The following KRT8 variants were observed in gnomAD, a reference collection of about 807,000 sequenced individuals.
KRT8 encodes the protein keratin, type II cytoskeletal 8.
KRT8 carries 24 observed loss-of-function variants against 43.0 expected under a neutral mutation model. That is an observed-to-expected ratio of 0.56 (90% CI 0.40 to 0.78). KRT8 has a LOEUF of 0.78. Ranked by LOEUF, KRT8 falls within the 30% of genes least tolerant of loss-of-function variation. The pLI is 0.00. For missense variants in KRT8, 492 were observed against 638.4 expected, an observed-to-expected ratio of 0.77 and a Z score of 2.47; for synonymous variants, 214 against 261.2, an observed-to-expected ratio of 0.82 and a Z score of 1.74.
At chr12:52,915,536 C>A (rs538427261) in intron 2 of KRT8, among the ~76,000 whole-genome samples, 10 of 151,916 alleles carry the variant, frequency 6.6e-5, no homozygotes, top group Admixed American at 2.0e-4. Flanking sequence ...GGTGAAACCC[C>A]ATCTGTACTA....
At chr12:52,907,350 G>T (rs564421111), upstream of KRT8, among the ~76,000 whole-genome samples, 42 of 152,294 alleles carry the variant, frequency 2.8e-4, no homozygotes, top group South Asian at 6.6e-3. Flanking sequence ...GGAGGGAGGG[G>T]CTGGTCAGAC....
intron 2 of KRT8, among the ~76,000 whole-genome samples, chr12:52,928,292 C>G (rs1468752568): frequency 6.6e-6 from 1 of 152,150 alleles, no homozygotes; most frequent in Non-Finnish European, 1.5e-5. Context: ...GACACCATCA[C>G]TCCTTCTCTT....
intron 2 of KRT8, among the ~76,000 whole-genome samples, chr12:52,929,235 G>C (rs1942045631): frequency 6.9e-6 from 1 of 144,782 alleles, no homozygotes; most frequent in African/African-American, 2.6e-5. Flanking sequence ...GCCCAGGCTA[G>C]AGTGCAGCGG....
Position 52,914,259 on chromosome 12 carries a change from G to A in KRT8, c.-46-9232C>T, listed in dbSNP as rs568247024. 6.6e-5 allele frequency among the ~76,000 whole-genome samples: 10 copies of A among 151,172 alleles called. No homozygotes were observed. The South Asian group carries it at 1.3e-3, about 19-fold the overall frequency. On this transcript the variant is annotated intron_variant, in intron 2 of 6. Transcript: ENST00000546826. ...AAACAAAACAAAAAAAAAATCCACC[G>A]GGTGCAGTGGCTCACGCCTGTAATC...
chr12:52,924,649 T>C (rs1447248643), intron 2 of KRT8, among the ~76,000 whole-genome samples: 1 of 151,658 alleles, frequency 6.6e-6, no homozygotes, highest in Non-Finnish European at 1.5e-5. Flanking sequence ...TTTGTAAAGA[T>C]AATTGTAAAG....
chr12:52,904,550 G>C, intron 1 of KRT8, 108 bp downstream of exon 1: 1 of 1,055,952 alleles, frequency 9.5e-7, no homozygotes, highest in Non-Finnish European at 1.5e-6. Context: ...GCCAGGGCGG[G>C]TGAGGCCCAG....
intron 2 of KRT8, among the ~76,000 whole-genome samples, chr12:52,933,230 G>A (rs528827954): frequency 3.3e-5 from 5 of 152,188 alleles, no homozygotes; most frequent in South Asian, 2.1e-4. Flanking sequence ...ACAGGTGTAA[G>A]CCACCATGCC....
intron 2 of KRT8, among the ~76,000 whole-genome samples, chr12:52,926,903 C>T (rs889892996): frequency 1.3e-5 from 2 of 151,950 alleles, no homozygotes; most frequent in African/African-American, 2.4e-5. Flanking sequence ...TTCTGCTTCC[C>T]TCCACACCCA....
chr12:52,905,607 T>C (rs1210429715), upstream of KRT8, among the ~76,000 whole-genome samples: 1 of 152,150 alleles, frequency 6.6e-6, no homozygotes, highest in Non-Finnish European at 1.5e-5. Context: ...ATTTGCCTCA[T>C]CTTTCCAGGT....
chr12:52,911,556 C>A (rs1941636992), upstream of KRT8, among the ~76,000 whole-genome samples: 1 of 152,090 alleles, frequency 6.6e-6, no homozygotes, highest in Non-Finnish European at 1.5e-5. Flanking sequence ...AAAAAAAATG[C>A]CTTACAAATA....
At chr12:52,913,314 G>A (rs529656388) in intron 2 of KRT8, among the ~76,000 whole-genome samples, 28 of 152,244 alleles carry the variant, frequency 1.8e-4, no homozygotes, top group African/African-American at 6.7e-4. Context: ...TTCCTCCTCT[G>A]ATATTGCAGG....
chr12:52,899,729 C>G (rs1941314171), intron 5 of KRT8, 46 bp downstream of exon 5: 6 of 1,545,360 alleles, frequency 3.9e-6, no homozygotes, highest in Non-Finnish European at 5.4e-6. Context: ...CTCCTCTCAC[C>G]AGGATGTGTC....
intron 2 of KRT8, among the ~76,000 whole-genome samples, chr12:52,917,146 T>C (rs903497964): frequency 3.2e-4 from 49 of 151,832 alleles, no homozygotes; most frequent in Admixed American, 9.8e-4. Context: ...TCCCAGCACT[T>C]TGGGAGGCTG....
chr12:52,901,341 G>C, intron 2 of KRT8, 122 bp from the exon 3 acceptor site: 1 of 772,336 alleles, frequency 1.3e-6, no homozygotes, highest in African/African-American at 1.7e-5. Context: ...CAGGATATGA[G>C]AAGGCTGGTC....
chr12:52,898,744 G>A lies in KRT8; in HGVS notation c.1137C>T (p.Asn379=), dbSNP rs372878607. The A allele has an allele frequency of 3.9e-5, 63 of 1,614,088 alleles. No individual in the cohort carries two copies. The Admixed American group carries it at 8.0e-4, about 20-fold the overall frequency. Reference sequence around the variant, plus strand: ...TCTCGATGTCCAGGGCCAGCTTGACGTTCATCAGCTCCTGGTACTCACGCA... The same window carrying A: ...TCTCGATGTCCAGGGCCAGCTTGACATTCATCAGCTCCTGGTACTCACGCA... Residue 379 remains asparagine, a synonymous_variant, in exon 6 of 8, where the codon AAC becomes AAT. Transcript: ENST00000692008.
At chr12:52,922,895 G>A (rs1053606615) in intron 2 of KRT8, among the ~76,000 whole-genome samples, 1 of 152,192 alleles carries the variant, frequency 6.6e-6, no homozygotes, top group African/African-American at 2.4e-5. Flanking sequence ...AGGCAGGAAG[G>A]CAGATTCTGC....
At chr12:52,908,227 T>C (rs192628772), upstream of KRT8, among the ~76,000 whole-genome samples, 1 of 150,970 alleles carries the variant, frequency 6.6e-6, no homozygotes, top group Non-Finnish European at 1.5e-5. Flanking sequence ...CTGAACAAGT[T>C]TTTTTTTTTC....
At chr12:52,907,579 G>C (rs1941547857), upstream of KRT8, among the ~76,000 whole-genome samples, 1 of 152,252 alleles carries the variant, frequency 6.6e-6, no homozygotes, top group African/African-American at 2.4e-5. Flanking sequence ...TGAGGACAGA[G>C]GGGGTTGCCA....
intron 2 of KRT8, among the ~76,000 whole-genome samples, chr12:52,924,580 C>A (rs1225485041): frequency 1.3e-5 from 2 of 151,680 alleles, no homozygotes; most frequent in African/African-American, 2.4e-5. Context: ...CAGAGCCAGA[C>A]CCTGTCTCAA....
Sources: allele counts gnomAD v4.1 joint callset (sites outside exome capture counted in the v4.1 genomes callset), GRCh38; gene constraint gnomAD v4.1.1; transcripts MANE v1.5; gene names NCBI Gene and HGNC (gene_info 2026-07-23, HGNC 2026-07-21).